IL12RB1: variants seen among roughly 807,000 people sequenced by gnomAD.
IL12RB1 encodes the protein interleukin 12 receptor subunit beta 1.
In IL12RB1, 64 loss-of-function variants were observed where a neutral mutation model predicts 94.4. The ratio of observed to expected loss-of-function variants is 0.68; its 90% CI spans 0.55 to 0.83. The LOEUF (loss-of-function observed/expected upper bound fraction) is 0.83. Among genes scored for constraint, IL12RB1 ranks in the 40% least tolerant of loss-of-function variants. The pLI is 0.00. For missense variants in IL12RB1, 814 were observed against 855.6 expected (o/e 0.95, Z 0.61); for synonymous variants, 362 against 355.5 (o/e 1.02, Z -0.21).
rs181568874 is a variant in IL12RB1, at chr19:18,068,608, A to G, written c.1190-82T>C. On this transcript the variant is annotated intron_variant, in intron 10 of 16. Coordinates refer to ENST00000593993, the MANE Select transcript of IL12RB1 (RefSeq NM_005535.3). ...CTTTGCACTGGCTGTGCCATCTGCC[A>G]GGAACCCCCAGAAAACTCCTACTCA... 313 of 1,164,126 alleles carry G rather than the reference A, an allele frequency of 2.7e-4. 1 individual carries two copies. The African/African-American group carries it at 3.3e-3, about 12-fold the overall frequency. The allele number at this position is 1,164,126 out of a possible 1,614,324, so 72.1% of individuals were successfully genotyped here.
chr19:18,089,749 G>A (rs2036549478), upstream of IL12RB1, among the ~76,000 whole-genome samples: 1 of 152,222 alleles, frequency 6.6e-6, no homozygotes, highest in African/African-American at 2.4e-5. Flanking sequence ...ATGAGCATCT[G>A]TGGAAACTGA....
chr19:18,070,638 T>C lies in IL12RB1; in HGVS notation c.1022-925A>G, dbSNP rs997600379. On this transcript the variant is annotated intron_variant, in intron 9 of 16. Coordinates refer to ENST00000593993, the MANE Select transcript of IL12RB1 (RefSeq NM_005535.3). Reference sequence around the variant, plus strand: ...TGCTGAGAGCTTTACAGGCACCATTTCACTATGATATGGGACCAGGCTGGG... The same window carrying C: ...TGCTGAGAGCTTTACAGGCACCATTCCACTATGATATGGGACCAGGCTGGG... 7.3e-6 allele frequency: 4 copies of C among 551,206 alleles called. No individual in the cohort carries two copies. In the South Asian group the frequency reaches 2.4e-4, roughly 33 times the overall value. 34.1% of individuals were successfully genotyped at this position (551,206 alleles called of 1,614,324 possible).
chr19:18,095,040 G>A (rs2036825174), intron 1 of IL12RB1, among the ~76,000 whole-genome samples: 1 of 151,960 alleles, frequency 6.6e-6, no homozygotes, highest in Non-Finnish European at 1.5e-5. Flanking sequence ...TTAGCTGGGA[G>A]TGGTGGCGGG....
chr19:18,077,679 C>T (rs777389694), intron 4 of IL12RB1, 24 bp from the exon 5 acceptor site: 8 of 1,513,518 alleles, frequency 5.3e-6, no homozygotes, highest in Non-Finnish European at 5.5e-6. Context: ...TAGGGATTGG[C>T]GAGGGGCAGC....
intron 2 of IL12RB1, 47 bp downstream of exon 2, chr19:18,083,385 C>A (rs755484298): frequency 6.4e-7 from 1 of 1,574,586 alleles, no homozygotes; most frequent in Non-Finnish European, 8.7e-7. Flanking sequence ...TGGGGTCAGG[C>A]AGAGCCCTAC....
At chr19:18,071,898 C>T (rs2035078304) in intron 9 of IL12RB1, among the ~76,000 whole-genome samples, 1 of 152,186 alleles carries the variant, frequency 6.6e-6, no homozygotes, top group South Asian at 2.1e-4. Flanking sequence ...CTGCTGACCT[C>T]AGGTGATTCA....
intron 1 of IL12RB1, among the ~76,000 whole-genome samples, chr19:18,093,361 C>CTT: frequency 6.8e-6 from 1 of 146,876 alleles, no homozygotes; most frequent in East Asian, 2.0e-4. Context: ...TGTGTGTGTG[C>CTT]GTGTGTGTGT....
chr19:18,063,309 G>A (rs1466117857), intron 13 of IL12RB1, among the ~76,000 whole-genome samples: 1 of 151,618 alleles, frequency 6.6e-6, no homozygotes, highest in African/African-American at 2.4e-5. Context: ...TGTTGCCCAG[G>A]CTGGTCTTGA....
At chr19:18,070,439 TG>T in intron 9 of IL12RB1, 1 of 712,972 alleles carries the variant, frequency 1.4e-6, no homozygotes, top group Non-Finnish European at 1.7e-6. Context: ...GCGCCACTGG[TG>T]GTCTCATGCC....
In IL12RB1 at chr19:18,082,206, C is replaced by T. The variant is rs770654289; in HGVS notation, c.183G>A (p.Glu61=). Residue 61 remains glutamate, a synonymous_variant, in exon 3 of 17, where the codon GAG becomes GAA. Transcript: ENST00000593993. ...TGGGACCCTCATACTGCCAGGAGCA[C>T]TCGTAACGATCACTGGATATCCGAT... ...RCYRISSDRY[E]CSWQYEGPTA... 4 of 1,613,972 alleles carry T rather than the reference C, an allele frequency of 2.5e-6. No homozygotes were observed. The East Asian group carries it at 8.9e-5, about 36-fold the overall frequency.
rs2034016865 is a variant in IL12RB1, at chr19:18,060,077, C to T, written c.1800G>A (p.Gln600=). 1 of 1,588,788 alleles carries T rather than the reference C, an allele frequency of 6.3e-7. No individual in the cohort carries two copies. The highest frequency in any genetic ancestry group is 8.6e-7 in the Non-Finnish European group (1 of 1,159,004). ...IEFPGGKETW[Q]WINPVDFQEE... Reference sequence around the variant, plus strand: ...CCTGGAAGTCCACTGGGTTGATCCACTGCCAAGTCTGCAGAGGGAGGGTAG... The same window carrying T: ...CCTGGAAGTCCACTGGGTTGATCCATTGCCAAGTCTGCAGAGGGAGGGTAG... Residue 600 remains glutamine (Q), a synonymous_variant, in exon 16 of 17, where the codon CAG becomes CAA. Transcript: ENST00000593993.
chr19:18,072,203 C>G lies in IL12RB1; in HGVS notation c.930G>C (p.Ser310=). 1.9e-6 allele frequency: 3 copies of G among 1,614,102 alleles called. No individual in the cohort carries two copies. The highest frequency in any genetic ancestry group is 2.5e-6 in the Non-Finnish European group (3 of 1,179,992). The change falls in exon 9 of 17, where the codon TCG becomes TCC. Residue 310 remains serine, a synonymous_variant. Coordinates refer to ENST00000593993, the MANE Select transcript of IL12RB1 (RefSeq NM_005535.3). ...TGACAGCCACGTTGTAGGCAGCACC[C>G]GAGAGATAGGGCATCTTCCCCAGGT... ...TLHLGKMPYL[S]GAAYNVAVIS...
chr19:18,097,911 G>T, intron 1 of IL12RB1: 1 of 1,093,010 alleles, frequency 9.1e-7, no homozygotes, highest in Admixed American at 4.3e-5. Flanking sequence ...GGAGGGGCGG[G>T]GCCTTCACGG....
At chr19:18,063,076 CTATTTTTT>C (rs1568486434) in intron 13 of IL12RB1, among the ~76,000 whole-genome samples, 12 of 75,218 alleles carry the variant, frequency 1.6e-4, no homozygotes, top group South Asian at 4.6e-4. Flanking sequence ...TCTTCTTCTT[CTATTTTTT>C]TTTTTTTTTT....
At chr19:18,081,322 C>T (rs564126299) in intron 3 of IL12RB1, among the ~76,000 whole-genome samples, 51 of 151,450 alleles carry the variant, frequency 3.4e-4, no homozygotes, top group African/African-American at 1.2e-3. Flanking sequence ...TCTCCAACTT[C>T]TGGCCTCAAG....
chr19:18,095,865 G>C (rs764865062), intron 1 of IL12RB1, among the ~76,000 whole-genome samples: 11 of 152,052 alleles, frequency 7.2e-5, no homozygotes, highest in Non-Finnish European at 1.2e-4. Flanking sequence ...TGTCCACACT[G>C]TACAGTGGGG....
rs1438321083 is a variant in IL12RB1 at position 18,061,050 on chromosome 19, G to A, written c.1791+72C>T. The A allele has an allele frequency of 1.1e-5, 9 of 803,408 alleles. No individual in the cohort carries two copies. The African/African-American group carries it at 1.4e-4, about 12-fold the overall frequency. The allele number at this position is 803,408 out of a possible 1,614,324, so 49.8% of individuals were successfully genotyped here. A position where few individuals can be genotyped will look rare whatever the true frequency, so the allele number is the denominator to read the frequency against. Reference sequence around the variant, plus strand: ...TTGATGAATTGGGAGAGAATAAAATGAGCTAATGCGTAACCCTTGTCCAGC... The same window carrying A: ...TTGATGAATTGGGAGAGAATAAAATAAGCTAATGCGTAACCCTTGTCCAGC... On this transcript the variant is annotated intron_variant, in intron 15 of 16. Transcript: ENST00000593993.
At chr19:18,066,047 A>T (rs867316266) in intron 12 of IL12RB1, among the ~76,000 whole-genome samples, 14,336 of 146,908 alleles carry the variant, frequency 0.098, 2,364 homozygotes, top group African/African-American at 0.35. Flanking sequence ...ATAAAATTAA[A>T]AAAAAAAAAA....
intron 1 of IL12RB1, among the ~76,000 whole-genome samples, chr19:18,084,693 CCATCCATA>C (rs1482787396): frequency 9.4e-5 from 5 of 53,370 alleles, no homozygotes; most frequent in Admixed American, 3.8e-4. Flanking sequence ...ATCCATCCAT[CCATCCATA>C]CATACATACA....
Sources: gnomAD v4.1 joint callset for allele counts (sites outside exome capture counted in the v4.1 genomes callset) on GRCh38, gnomAD v4.1.1 for gene constraint, MANE v1.5 for transcripts, NCBI Gene and HGNC (gene_info 2026-07-23, HGNC 2026-07-21) for gene names.